The following ZNF407 variants were observed in gnomAD, a reference collection of about 807,000 sequenced individuals.
The protein encoded by ZNF407 is zinc finger protein 407.
In ZNF407, 17 loss-of-function variants were observed where a neutral mutation model predicts 131.2. That is an observed-to-expected ratio of 0.13 (90% confidence interval 0.09 to 0.19). The LOEUF (loss-of-function observed/expected upper bound fraction) is 0.19. Among genes scored for constraint, ZNF407 ranks in the 10% least tolerant of loss-of-function variants. The pLI, the probability that ZNF407 is intolerant of heterozygous loss-of-function variation, is 1.00. For missense variants in ZNF407, 2,681 were observed against 2,830.6 expected (o/e 0.95, Z 1.20); for synonymous variants, 1,156 against 1,062.0 (o/e 1.09, Z -1.72).
chr18:74,760,557 GT>G (rs1969072309), intron 3 of ZNF407, among the ~76,000 whole-genome samples: 1 of 152,076 alleles, frequency 6.6e-6, no homozygotes, highest in Non-Finnish European at 1.5e-5. Context: ...TGCTTCTGTG[GT>G]TTTTTGTTTG....
intron 4 of ZNF407, among the ~76,000 whole-genome samples, chr18:74,859,345 A>G (rs1249588544): frequency 6.6e-6 from 1 of 152,234 alleles, no homozygotes; most frequent in Admixed American, 6.5e-5. Flanking sequence ...GAAATACATT[A>G]TAGTGTTAGG....
At chr18:74,831,968 G>C (rs771960990) in intron 4 of ZNF407, among the ~76,000 whole-genome samples, 1 of 152,168 alleles carries the variant, frequency 6.6e-6, no homozygotes, top group Non-Finnish European at 1.5e-5. Context: ...TGACAAGCCC[G>C]CTGTCAGTCT....
At chr18:74,638,715 A>T (rs1460668075) in intron 2 of ZNF407, among the ~76,000 whole-genome samples, 1 of 152,192 alleles carries the variant, frequency 6.6e-6, no homozygotes, top group Non-Finnish European at 1.5e-5. Context: ...AAACCTACTG[A>T]GGATAATGCT....
At chr18:74,977,600 T>A (rs1046354758) in intron 8 of ZNF407, among the ~76,000 whole-genome samples, 2 of 152,238 alleles carry the variant, frequency 1.3e-5, no homozygotes, top group Non-Finnish European at 2.9e-5. Flanking sequence ...AGCCTGTGAC[T>A]GAGTGGAAAG....
intron 3 of ZNF407, among the ~76,000 whole-genome samples, chr18:74,711,021 T>C (rs928057789): frequency 1.2e-4 from 18 of 151,210 alleles, no homozygotes; most frequent in African/African-American, 4.4e-4. Context: ...ACTCTGTCCA[T>C]TCTCCATGGA....
intron 3 of ZNF407, among the ~76,000 whole-genome samples, chr18:74,708,329 CAT>C (rs1421746119): frequency 1.3e-5 from 2 of 152,150 alleles, no homozygotes; most frequent in Non-Finnish European, 2.9e-5. Flanking sequence ...GTCATTACAT[CAT>C]ATCACACACA....
chr18:74,950,000 C>G (rs1341748368), intron 8 of ZNF407, among the ~76,000 whole-genome samples: 1 of 152,192 alleles, frequency 6.6e-6, no homozygotes, highest in African/African-American at 2.4e-5. Context: ...ACCATCCTGG[C>G]TAATATTGCC....
chr18:74,780,024 C>T (rs912161542), intron 3 of ZNF407, among the ~76,000 whole-genome samples: 78 of 151,488 alleles, frequency 5.1e-4, no homozygotes, highest in Non-Finnish European at 1.0e-3. Flanking sequence ...AATTTTTGTA[C>T]TTTTTTTTGC....
intron 3 of ZNF407, among the ~76,000 whole-genome samples, chr18:74,645,027 C>T (rs1188732341): frequency 6.6e-6 from 1 of 151,930 alleles, no homozygotes; most frequent in African/African-American, 2.4e-5. Context: ...TATTGTCTCT[C>T]TCTGTCTCTC....
At chr18:74,599,541 T>C (rs1982486080) in intron 1 of ZNF407, among the ~76,000 whole-genome samples, 1 of 152,206 alleles carries the variant, frequency 6.6e-6, no homozygotes, top group South Asian at 2.1e-4. Flanking sequence ...AATACCTTTT[T>C]CTGCTTACTA....
In ZNF407 at chr18:74,719,501, G is replaced by C. The variant is rs143851335; in HGVS notation, c.4803-61927G>C. On this transcript the variant is annotated intron_variant, in intron 3 of 8. Transcript: ENST00000299687. Reference sequence around the variant, plus strand: ...TGCAAGCTCCGCCTCCCGGGTTCACGCCATTCTCCTGCCTCAGTCTCCCGA... The same window carrying C: ...TGCAAGCTCCGCCTCCCGGGTTCACCCCATTCTCCTGCCTCAGTCTCCCGA... Among the ~76,000 whole-genome samples the C allele has an allele frequency of 4.3e-3, 658 of 152,300 alleles. 5 individuals carry two copies. The highest frequency in any genetic ancestry group is 0.015 in the African/African-American group (627 of 41,562).
intron 7 of ZNF407, among the ~76,000 whole-genome samples, chr18:74,892,390 G>A (rs1266257203): frequency 6.6e-6 from 1 of 152,182 alleles, no homozygotes; most frequent in East Asian, 1.9e-4. Context: ...CAACCTCATA[G>A]GATTATGGTA....
At chr18:74,915,406 T>G (rs1388836709) in intron 7 of ZNF407, among the ~76,000 whole-genome samples, 1 of 2,866 alleles carries the variant, frequency 3.5e-4, no homozygotes, top group African/African-American at 4.3e-4. Flanking sequence ...GAATCAGGAG[T>G]GTGTGTGTGT....
intron 8 of ZNF407, among the ~76,000 whole-genome samples, chr18:75,027,337 A>T (rs1011967917): frequency 6.6e-6 from 1 of 152,134 alleles, no homozygotes; most frequent in African/African-American, 2.4e-5. Flanking sequence ...AACAAATTTT[A>T]ATTTTAAGAA....
chr18:74,729,018 C>T (rs1390652088), intron 3 of ZNF407, among the ~76,000 whole-genome samples: 4 of 152,156 alleles, frequency 2.6e-5, no homozygotes, highest in Non-Finnish European at 5.9e-5. Context: ...AAGACAGGAG[C>T]ATAACCAGTG....
chr18:74,718,819 T>A (rs1199113370), intron 3 of ZNF407, among the ~76,000 whole-genome samples: 2 of 152,222 alleles, frequency 1.3e-5, no homozygotes, highest in South Asian at 2.1e-4. Context: ...CTTCGTTAAG[T>A]AATTTCGTAT....
At chr18:74,941,181 C>A (rs183737951) in intron 8 of ZNF407, among the ~76,000 whole-genome samples, 1 of 152,320 alleles carries the variant, frequency 6.6e-6, no homozygotes, top group East Asian at 1.9e-4. Context: ...AAACTGACAT[C>A]CAGTGGTTTC....
chr18:74,737,611 G>A (rs529320136), intron 3 of ZNF407, among the ~76,000 whole-genome samples: 4 of 152,128 alleles, frequency 2.6e-5, no homozygotes, highest in Middle Eastern at 3.4e-3. Flanking sequence ...CATGTGTGTG[G>A]ATACATACGC....
intron 1 of ZNF407, among the ~76,000 whole-genome samples, chr18:74,627,139 G>T (rs767543947): frequency 6.6e-6 from 1 of 152,160 alleles, no homozygotes; most frequent in South Asian, 2.1e-4. Flanking sequence ...CTGTTGCTTC[G>T]TAGGTTTCAT....
Sources: gnomAD v4.1 joint callset for allele counts (sites outside exome capture counted in the v4.1 genomes callset) on GRCh38, gnomAD v4.1.1 for gene constraint, MANE v1.5 for transcripts, NCBI Gene and HGNC (gene_info 2026-07-23, HGNC 2026-07-21) for gene names.